ZNF483: variants seen among roughly 807,000 people sequenced by gnomAD.
ZNF483 encodes the protein zinc finger protein HIT-10.
A neutral mutation model predicts 28.6 loss-of-function variants in ZNF483; 9 were observed. That is an observed-to-expected ratio of 0.32 (90% CI 0.19 to 0.55). The LOEUF is 0.55. Ranked by LOEUF, ZNF483 falls within the 20% of genes least tolerant of loss-of-function variation. The probability of loss-of-function intolerance (pLI) is 0.93; values close to 1 mark genes in which losing one functional copy is unlikely to be tolerated. For synonymous variants in ZNF483, 322 were observed against 306.2 expected (o/e 1.05, Z -0.54); for missense variants, 675 against 871.7 (o/e 0.77, Z 2.84).
At chr9:111,566,988 T>A (rs1828589303) in intron 5 of ZNF483, among the ~76,000 whole-genome samples, 1 of 151,106 alleles carries the variant, frequency 6.6e-6, no homozygotes, top group Admixed American at 6.6e-5. Context: ...ACTCAGGAGG[T>A]TGAGGTGGGA....
Position 111,542,010 on chromosome 9 carries a change from C to T in ZNF483, c.1075C>T (p.Arg359Trp), listed in dbSNP as rs942620552. The T allele has an allele frequency of 1.1e-5, 18 of 1,613,866 alleles. No individual in the cohort carries two copies. The highest frequency in any genetic ancestry group is 8.0e-5 in the African/African-American group (6 of 74,894). ...RKEKTAGEKS[R>W]KSNDGGKVLS... ...GGAGAAAACCGCCGGAGAAAAGTCA[C>T]GGAAATCTAATGATGGTGGGAAAGT... Residue 359 changes from arginine to tryptophan, a missense_variant, in exon 6 of 6, where the codon CGG (arginine) becomes TGG (tryptophan). Coordinates refer to ENST00000309235, the MANE Select transcript of ZNF483 (RefSeq NM_133464.5). The surrounding 1 kb of genome is among the most constrained non-coding windows in gnomAD (Gnocchi z 6.2).
intron 5 of ZNF483, among the ~76,000 whole-genome samples, chr9:111,537,947 A>G (rs1210104504): frequency 1.3e-5 from 2 of 152,160 alleles, no homozygotes; most frequent in African/African-American, 4.8e-5. Flanking sequence ...TTAATACTGT[A>G]TCTTTACATT....
chr9:111,538,507 C>T (rs549692989), intron 5 of ZNF483, among the ~76,000 whole-genome samples: 1 of 139,570 alleles, frequency 7.2e-6, no homozygotes, highest in Admixed American at 7.0e-5. Context: ...AAAAAAAAAA[C>T]CACCTGTAAG....
At position 111,554,824 on chromosome 9, in the gene ZNF483, T is replaced by G. The variant is rs1263429144; in HGVS notation, c.*11654T>G. Among the ~76,000 whole-genome samples the G allele has an allele frequency of 1.3e-5, 2 of 152,196 alleles. No homozygotes were observed. Among genetic ancestry groups the G allele is most frequent in the Non-Finnish European group, 2.9e-5 (2 of 68,028 alleles). Reference sequence around the variant, plus strand: ...TTGAATAAGGGGAGACCACTGTATTTTACCCAAGGGAGACAATCCAAAGTC... The same window carrying G: ...TTGAATAAGGGGAGACCACTGTATTGTACCCAAGGGAGACAATCCAAAGTC... On this transcript the variant is annotated 3_prime_UTR_variant, in exon 6 of 6. Coordinates refer to ENST00000309235, the MANE Select transcript of ZNF483 (RefSeq NM_133464.5).
rs1357321640 is a variant in ZNF483, at chr9:111,545,681, TC to T, written c.*2512del. Among the ~76,000 whole-genome samples, 4 of 152,212 alleles carry T rather than the reference TC, an allele frequency of 2.6e-5. No homozygotes were observed. Among genetic ancestry groups the T allele is most frequent in the African/African-American group, 7.2e-5 (3 of 41,456 alleles). ...TATATGTGATCTTTCTGTGTTTTTT[TC>T]ATTAATGTGTTTTAAGTTCATCCAT... is the stretch of plus-strand genomic sequence containing the variant. On this transcript the variant is annotated 3_prime_UTR_variant, in exon 6 of 6. Transcript: ENST00000309235.
chr9:111,527,994 A>G (rs1219902384), intron 2 of ZNF483, 187 bp downstream of exon 2: 1 of 1,474,960 alleles, frequency 6.8e-7, no homozygotes, highest in South Asian at 1.4e-5. Context: ...GAATGTAAAT[A>G]TTTTTATCTG....
chr9:111,577,492 A>G (rs947572685), exon 6 of ZNF483: 3 of 152,194 alleles, frequency 2.0e-5, no homozygotes, highest in African/African-American at 7.2e-5. Context: ...AAATCCACAC[A>G]AAAACCTCTG....
Position 111,554,550 on chromosome 9 carries a change from C to T in ZNF483, c.*11380C>T, listed in dbSNP as rs1444931743. 6.6e-6 allele frequency among the ~76,000 whole-genome samples: 1 copy of T among 152,138 alleles called. No individual in the cohort carries two copies. Among genetic ancestry groups the T allele is most frequent in the African/African-American group, 2.4e-5 (1 of 41,434 alleles). On this transcript the variant is annotated 3_prime_UTR_variant, in exon 6 of 6. Coordinates refer to ENST00000309235, the MANE Select transcript of ZNF483 (RefSeq NM_133464.5). ...GCCTGCAACCTCAGATAGTACCAAA[C>T]CCTGTATGTTCTATGTTTTGTCAGT...
chr9:111,543,015 A>T lies in ZNF483; in HGVS notation c.2080A>T (p.Asn694Tyr). ...IHTGEKPYEC[N>Y]YCGATFSRSS... is the part of the protein sequence containing the mutation. ...TACAGGAGAGAAACCCTATGAGTGTAACTATTGTGGTGCAACCTTTAGTCG... is the reference window on the plus strand; with the variant it reads ...TACAGGAGAGAAACCCTATGAGTGTTACTATTGTGGTGCAACCTTTAGTCG... The change falls in exon 6 of 6, where the codon AAC (asparagine) becomes TAC (tyrosine). Residue 694 changes from asparagine (N) to tyrosine (Y), a missense_variant. Asn to Tyr is a moderately radical substitution (Grantham distance 143, BLOSUM62 -2). Around this residue, in one of 6 missense-constraint regions of ZNF483, gnomAD observed 55 missense variants for 72.4 expected, o/e 0.76. Coordinates refer to ENST00000309235, the MANE Select transcript of ZNF483 (RefSeq NM_133464.5). The T allele has an allele frequency of 1.2e-6, 2 of 1,614,180 alleles. No individual in the cohort carries two copies. The highest frequency in any genetic ancestry group is 1.7e-6 in the Non-Finnish European group (2 of 1,180,020).
Position 111,527,471 on chromosome 9 carries a change from A to C in ZNF483, c.76A>C (p.Asn26His). ...EPQTLASTEQNEVPRVVTSGE... is the reference protein window; with the variant it reads ...EPQTLASTEQHEVPRVVTSGE... ...TCAAACTCTGGCCTCGACTGAACAA[A>C]ATGAGGTCCCAAGAGTGGTTACTTC... Residue 26 changes from asparagine (N) to histidine (H), a missense_variant, in exon 2 of 6, where the codon AAT (asparagine) becomes CAT (histidine). This residue lies in a region of ZNF483 where 525 missense variants were observed against 581.8 expected (regional missense o/e 0.90). Transcript: ENST00000309235. 1.2e-6 allele frequency: 2 copies of C among 1,614,202 alleles called. No individual in the cohort carries two copies. The highest frequency in any genetic ancestry group is 1.7e-6 in the Non-Finnish European group (2 of 1,180,034).
chr9:111,566,160 G>A (rs1828552412), intron 5 of ZNF483, among the ~76,000 whole-genome samples: 3 of 151,954 alleles, frequency 2.0e-5, no homozygotes, highest in South Asian at 2.1e-4. Flanking sequence ...CTGAGATCGC[G>A]CCACTGCACT....
intron 5 of ZNF483, among the ~76,000 whole-genome samples, chr9:111,560,512 G>T (rs904337985): frequency 2.7e-5 from 4 of 149,550 alleles, no homozygotes; most frequent in African/African-American, 7.4e-5. Flanking sequence ...ATGGTGGCAG[G>T]CGCCTGTAAT....
At position 111,537,758 on chromosome 9, in the gene ZNF483, C is replaced by G. The variant is rs550523214; in HGVS notation, c.721+3405C>G. Among the ~76,000 whole-genome samples the G allele has an allele frequency of 6.6e-5, 10 of 152,272 alleles. No homozygotes were observed. The South Asian group carries it at 1.9e-3, about 28-fold the overall frequency. On this transcript the variant is annotated intron_variant, in intron 5 of 5. Transcript: ENST00000309235. ...CCTCTCACCTCAGCCTCTTGAGTAG[C>G]TGGTATTACAGGCACATGCCACCAT...
At position 111,541,667 on chromosome 9, in the gene ZNF483, T is replaced by C. The variant is rs751846393; in HGVS notation, c.732T>C (p.Ala244=). ...TCTTATATCTTTTAGATGAATCAGCTTTAGATAAAATAATAGAAAGGTGCC... is the reference window on the plus strand; with the variant it reads ...TCTTATATCTTTTAGATGAATCAGCCTTAGATAAAATAATAGAAAGGTGCC... ...VSKSSRLDES[A]LDKIIERCLR... Residue 244 remains alanine (A), a synonymous_variant, in exon 6 of 6, where the codon GCT becomes GCC. Transcript: ENST00000309235. 3 of 1,599,166 alleles carry C rather than the reference T, an allele frequency of 1.9e-6. No homozygotes were observed. Among genetic ancestry groups the C allele is most frequent in the Non-Finnish European group, 2.6e-6 (3 of 1,175,856 alleles).
chr9:111,529,424 ATC>A (rs1827265324), intron 2 of ZNF483, among the ~76,000 whole-genome samples: 1 of 152,210 alleles, frequency 6.6e-6, no homozygotes, highest in South Asian at 2.1e-4. Context: ...GAATGGGCCA[ATC>A]TGAAGGTACT....
At chr9:111,561,204 AGAGTATGGT>A (rs1321728743) in intron 5 of ZNF483, among the ~76,000 whole-genome samples, 25 of 147,252 alleles carry the variant, frequency 1.7e-4, no homozygotes, top group Middle Eastern at 7.1e-3. Flanking sequence ...TTCCTGTCCA[AGAGTATGGT>A]ACCTTTCCAT....
rs865836765 is a variant in ZNF483 at position 111,560,970 on chromosome 9, T to G, written c.722-15395T>G. On this transcript the variant is annotated intron_variant, in intron 5 of 5. Coordinates refer to the ZNF483 transcript ENST00000358151. The stretch of plus-strand genomic sequence containing the variant: ...ATATATATATATATATATATATATA[T>G]ATATAGAGAGAGAGAGAGAGAGAGA... Among the ~76,000 whole-genome samples, 45 of 30,456 alleles carry G rather than the reference T, an allele frequency of 1.5e-3. 2 individuals are homozygous for G. The highest frequency in any genetic ancestry group is 2.9e-3 in the South Asian group (2 of 678). The allele number at this position is 30,456 out of a possible 152,430, so 20.0% of individuals were successfully genotyped here.
At chr9:111,568,096 C>A (rs959646401) in intron 5 of ZNF483, among the ~76,000 whole-genome samples, 5 of 152,046 alleles carry the variant, frequency 3.3e-5, no homozygotes, top group African/African-American at 9.7e-5. Context: ...AGAATAACAG[C>A]GATTTTCAGG....
In ZNF483 at chr9:111,543,383, A is replaced by C; in HGVS notation, c.*213A>C. 1 of 1,305,214 alleles carries C rather than the reference A, an allele frequency of 7.7e-7. No homozygotes were observed. The highest frequency in any genetic ancestry group is 9.7e-7 in the Non-Finnish European group (1 of 1,029,646). The allele number at this position is 1,305,214 out of a possible 1,614,324, so 80.9% of individuals were successfully genotyped here. Reference sequence around the variant, plus strand: ...TGGTAAAGTCACTGGAAAGGGAAGAATGCAAAATGATTCTGAGGCCAGACG... The same window carrying C: ...TGGTAAAGTCACTGGAAAGGGAAGACTGCAAAATGATTCTGAGGCCAGACG... On this transcript the variant is annotated 3_prime_UTR_variant, in exon 6 of 6. Coordinates refer to ENST00000309235, the MANE Select transcript of ZNF483 (RefSeq NM_133464.5).
Sources: allele counts gnomAD v4.1 joint callset (sites outside exome capture counted in the v4.1 genomes callset), GRCh38; gene constraint gnomAD v4.1.1; regional missense constraint gnomAD v4.1.1; non-coding constraint Gnocchi (gnomAD v3.1); transcripts MANE v1.5; gene names NCBI Gene and HGNC (gene_info 2026-07-23, HGNC 2026-07-21).